The following MRAP2 variants were observed in gnomAD, a reference collection of about 807,000 sequenced individuals.
MRAP2 encodes the protein melanocortin-2 receptor accessory protein 2.
In MRAP2, 20 loss-of-function variants were observed where a neutral mutation model predicts 17.4. The ratio of observed to expected loss-of-function variants is 1.15; its 90% confidence interval spans 0.81 to 1.67. MRAP2 has a LOEUF of 1.67. Ranked by LOEUF, MRAP2 falls within the 40% of genes most tolerant of loss-of-function variation. MRAP2 has a pLI of 0.00. For missense variants in MRAP2, 238 were observed against 240.0 expected, an observed-to-expected ratio of 0.99 and a Z score of 0.05; for synonymous variants, 96 against 88.4, an observed-to-expected ratio of 1.09 and a Z score of -0.48.
chr6:84,078,937 G>A (rs1349807490), intron 3 of MRAP2, among the ~76,000 whole-genome samples: 1 of 152,138 alleles, frequency 6.6e-6, no homozygotes, highest in Non-Finnish European at 1.5e-5. Context: ...CAACAGAGGT[G>A]GAAAAACTAA....
the MRAP2 span, among the ~76,000 whole-genome samples, chr6:84,122,998 C>G: frequency 2.0e-5 from 3 of 151,798 alleles, no homozygotes; most frequent in Admixed American, 1.3e-4. Flanking sequence ...CACACACACA[C>G]GCACACACAC....
intron 3 of MRAP2, among the ~76,000 whole-genome samples, chr6:84,074,757 C>T (rs2099497155): frequency 6.6e-6 from 1 of 152,192 alleles, no homozygotes; most frequent in Non-Finnish European, 1.5e-5. Flanking sequence ...TCACAGTTTA[C>T]CTGAGAGAGA....
the MRAP2 span, among the ~76,000 whole-genome samples, chr6:84,096,501 G>A: frequency 6.6e-6 from 1 of 152,164 alleles, no homozygotes; most frequent in East Asian, 1.9e-4. Context: ...GAAAGCACCA[G>A]CCTTTGACTT....
intron 3 of MRAP2, among the ~76,000 whole-genome samples, chr6:84,070,361 T>C (rs1331221345): frequency 6.6e-6 from 1 of 152,232 alleles, no homozygotes; most frequent in Non-Finnish European, 1.5e-5. Context: ...CCAATGCTCA[T>C]TCAAGAGCAG....
intron 1 of MRAP2, among the ~76,000 whole-genome samples, chr6:84,045,846 C>T (rs1350917802): frequency 6.6e-6 from 1 of 152,122 alleles, no homozygotes; most frequent in Non-Finnish European, 1.5e-5. Flanking sequence ...CACATACACA[C>T]CCATAATACA....
rs375462718 is a variant in MRAP2 at position 84,076,058 on chromosome 6, G to T, written c.228-13033G>T. Among the ~76,000 whole-genome samples, 21 of 151,790 alleles carry T rather than the reference G, an allele frequency of 1.4e-4. No individual in the cohort carries two copies. In the East Asian group the frequency reaches 1.5e-3, roughly 11 times the overall value. ...GGTTCAGTCTATAACTTTTGTTCAG[G>T]AGTTATTTTTTTTTTTCTTTTGAGA... On this transcript the variant is annotated intron_variant, in intron 3 of 3. Coordinates refer to ENST00000257776, the MANE Select transcript of MRAP2 (RefSeq NM_138409.4).
the MRAP2 span, among the ~76,000 whole-genome samples, chr6:84,145,127 G>C: frequency 1.3e-5 from 2 of 152,030 alleles, no homozygotes; most frequent in Non-Finnish European, 2.9e-5. Flanking sequence ...AACTGGCTTG[G>C]TACCTTACAT....
the MRAP2 span, among the ~76,000 whole-genome samples, chr6:84,128,937 C>A: frequency 6.6e-6 from 1 of 151,172 alleles, no homozygotes; most frequent in African/African-American, 2.4e-5. Flanking sequence ...TGAGAACATG[C>A]GGTGTTTGGT....
At chr6:84,087,737 C>T (rs1052317480) in intron 3 of MRAP2, among the ~76,000 whole-genome samples, 9 of 152,186 alleles carry the variant, frequency 5.9e-5, no homozygotes, top group South Asian at 2.1e-4. Context: ...AAACCCTTGA[C>T]GTTCACAACA....
intron 1 of MRAP2, chr6:84,035,463 A>C (rs555534508): frequency 4.1e-6 from 4 of 972,760 alleles, no homozygotes; most frequent in African/African-American, 1.8e-5. Flanking sequence ...ATTGTCTTCA[A>C]ATGTGGGCTG....
In MRAP2 at chr6:84,033,891, C is replaced by T. The variant is rs1334751044; in HGVS notation, c.-8+8C>T. On this transcript the variant is annotated splice_region_variant and intron_variant, in intron 1 of 3. Coordinates refer to ENST00000257776, the MANE Select transcript of MRAP2 (RefSeq NM_138409.4). ...GCCGGGGCTAGCCAGCCGGTAACCA[C>T]GGGCGGGACAGGGCGCCCAGGGCGG... 3.0e-6 allele frequency: 3 copies of T among 985,106 alleles called. No individual in the cohort carries two copies. The highest frequency in any genetic ancestry group is 3.6e-6 in the Non-Finnish European group (3 of 830,138). The allele number at this position is 985,106 out of a possible 1,614,324, so 61.0% of individuals were successfully genotyped here.
At chr6:84,121,104 T>C in the MRAP2 span, among the ~76,000 whole-genome samples, 3 of 150,264 alleles carry the variant, frequency 2.0e-5, no homozygotes, top group Non-Finnish European at 4.4e-5. Flanking sequence ...ACAGGCAGGG[T>C]CTTACTCTGT....
At chr6:84,093,268 T>TAGAG (rs35368724), downstream of MRAP2, among the ~76,000 whole-genome samples, 51,835 of 150,314 alleles carry the variant, frequency 0.34, 10,733 homozygotes, top group African/African-American at 0.6. Flanking sequence ...GCAAGAAAAA[T>TAGAG]AGAGAGAGAG....
At chr6:84,096,259 T>C in the MRAP2 span, among the ~76,000 whole-genome samples, 1 of 152,214 alleles carries the variant, frequency 6.6e-6, no homozygotes, top group Non-Finnish European at 1.5e-5. Context: ...AGGGACCATG[T>C]GGTTATGGAT....
chr6:84,064,482 G>A (rs777940126), intron 3 of MRAP2, among the ~76,000 whole-genome samples: 8 of 136,476 alleles, frequency 5.9e-5, no homozygotes, highest in Middle Eastern at 6.9e-3. Context: ...TTTTGGTTTT[G>A]TTTTGTTTTT....
chr6:84,039,324 A>G (rs945767928), intron 1 of MRAP2, among the ~76,000 whole-genome samples: 1 of 152,302 alleles, frequency 6.6e-6, no homozygotes, highest in Non-Finnish European at 1.5e-5. Flanking sequence ...AGGGAATGAG[A>G]TGTGTTTGAA....
Position 84,089,125 on chromosome 6 carries a change from A to T in MRAP2, c.262A>T (p.Asn88Tyr), listed in dbSNP as rs761868293. The change falls in exon 4 of 4, where the codon AAC becomes TAC. Residue 88 changes from asparagine to tyrosine, a missense_variant. Transcript: ENST00000257776. ...AESSEKRFRM[N>Y]SFVSDFGRPL... ...GTCCTCAGAGAAGAGATTCAGAATG[A>T]ACAGCTTTGTGTCAGACTTTGGAAG... is the stretch of plus-strand genomic sequence containing the variant. 1.9e-5 allele frequency: 30 copies of T among 1,613,826 alleles called. No homozygotes were observed. The highest frequency in any genetic ancestry group is 1.0e-5 in the Non-Finnish European group (12 of 1,179,972).
the MRAP2 span, among the ~76,000 whole-genome samples, chr6:84,102,837 G>C: frequency 7.9e-5 from 12 of 152,244 alleles, no homozygotes; most frequent in South Asian, 2.5e-3. Flanking sequence ...TGGGCAGGTG[G>C]AATGTGTCAA....
At chr6:84,100,969 C>T in the MRAP2 span, among the ~76,000 whole-genome samples, 2 of 148,942 alleles carry the variant, frequency 1.3e-5, no homozygotes, top group Non-Finnish European at 2.9e-5. Flanking sequence ...TTTGATGTCT[C>T]CAAGATCTCT....
Sources: gnomAD v4.1 joint callset for allele counts (sites outside exome capture counted in the v4.1 genomes callset) on GRCh38, gnomAD v4.1.1 for gene constraint, MANE v1.5 for transcripts, NCBI Gene and HGNC (gene_info 2026-07-23, HGNC 2026-07-21) for gene names.